The following FBXO45 variants were observed in gnomAD, a reference collection of about 807,000 sequenced individuals.
FBXO45 encodes F-box/SPRY domain-containing protein 1.
A neutral mutation model predicts 25.5 loss-of-function variants in FBXO45; 3 were observed. The observed-to-expected ratio is 0.12, with a 90% CI of 0.05 to 0.30. The LOEUF is 0.30. Ranked by LOEUF, FBXO45 falls within the 10% of genes least tolerant of loss-of-function variation. The pLI is 1.00. For synonymous variants in FBXO45, 155 were observed against 149.8 expected (o/e 1.03, Z -0.25); for missense variants, 219 against 365.0 (o/e 0.60, Z 3.26).
intron 1 of FBXO45, among the ~76,000 whole-genome samples, chr3:196,573,815 A>G (rs567020714): frequency 1.3e-5 from 2 of 152,276 alleles, no homozygotes; most frequent in East Asian, 1.9e-4. Context: ...AGAATTCTCT[A>G]AAGTTCAGAC....
At chr3:196,572,931 T>C (rs2108726189) in intron 1 of FBXO45, among the ~76,000 whole-genome samples, 1 of 151,468 alleles carries the variant, frequency 6.6e-6, no homozygotes, top group African/African-American at 2.4e-5. Flanking sequence ...TGATCTAGAT[T>C]TTTTTTTTGA....
chr3:196,573,194 T>G (rs1046680467), intron 1 of FBXO45, among the ~76,000 whole-genome samples: 11 of 152,150 alleles, frequency 7.2e-5, no homozygotes, highest in Admixed American at 5.2e-4. Context: ...AGAGCAGCAT[T>G]TACAGTATTT....
chr3:196,586,829 C>T lies in FBXO45; in HGVS notation c.*2511C>T. On this transcript the variant is annotated 3_prime_UTR_variant, in exon 3 of 3. Transcript: ENST00000311630. ...TAAGGATTTTTAAAAACTTTCTGGTCATTTCAATATGCTGCCAAGGTTGAG... is the reference window on the plus strand; with the variant it reads ...TAAGGATTTTTAAAAACTTTCTGGTTATTTCAATATGCTGCCAAGGTTGAG... 6.6e-6 allele frequency: 1 copy of T among 152,026 alleles called. No individual in the cohort carries two copies. The highest frequency in any genetic ancestry group is 1.9e-4 in the East Asian group (1 of 5,192). 9.4% of individuals were successfully genotyped at this position (152,026 alleles called of 1,614,324 possible).
Position 196,586,653 on chromosome 3 carries a change from C to G in FBXO45, c.*2335C>G, listed in dbSNP as rs1435722808. The G allele has an allele frequency of 6.6e-6, 1 of 152,100 alleles. No homozygotes were observed. The highest frequency in any genetic ancestry group is 1.9e-4 in the East Asian group (1 of 5,206). 9.4% of individuals were successfully genotyped at this position (152,100 alleles called of 1,614,324 possible). A position where few individuals can be genotyped will look rare whatever the true frequency, so the allele number is the denominator to read the frequency against. ...AGAGCATTTCGGTAGAAGACAGTTG[C>G]GCCTGAAGATTGAGTGTAAATCATT... On this transcript the variant is annotated 3_prime_UTR_variant, in exon 3 of 3. Transcript: ENST00000311630.
intron 1 of FBXO45, among the ~76,000 whole-genome samples, chr3:196,573,133 C>T (rs942996699): frequency 1.3e-5 from 2 of 151,922 alleles, no homozygotes; most frequent in African/African-American, 4.8e-5. Context: ...ATTATGTTGC[C>T]CAGGCTGGTG....
chr3:196,583,868 C>A (rs1305302156), intron 2 of FBXO45, among the ~76,000 whole-genome samples: 2 of 152,158 alleles, frequency 1.3e-5, no homozygotes, highest in Non-Finnish European at 2.9e-5. Flanking sequence ...GTTGCCCAGG[C>A]TGGTCTTGAA....
intron 1 of FBXO45, among the ~76,000 whole-genome samples, chr3:196,572,223 T>C (rs569939691): frequency 7.7e-4 from 117 of 152,390 alleles, no homozygotes; most frequent in African/African-American, 2.8e-3. Context: ...CCAGGCACTA[T>C]GCTCATTTGC....
At position 196,577,809 on chromosome 3, in the gene FBXO45, G is replaced by C; in HGVS notation, c.675G>C (p.Gln225His). The change falls in exon 2 of 3, where the codon CAG becomes CAC. Residue 225 changes from glutamine (Q) to histidine (H), a missense_variant and splice_region_variant. Gln to His is a conservative substitution (Grantham distance 24). Coordinates refer to ENST00000311630, the MANE Select transcript of FBXO45 (RefSeq NM_001105573.2). ...AGTGCAACAACGCACCAAAATATCA[G>C]GTGAGAAACTGGGGTTTTTCTCAAG... ...FPQCNNAPKY[Q>H]IGERIRVILD... The C allele has an allele frequency of 6.4e-7, 1 of 1,557,538 alleles. No homozygotes were observed. Among genetic ancestry groups the C allele is most frequent in the Non-Finnish European group, 8.8e-7 (1 of 1,139,744 alleles).
chr3:196,576,897 A>G (rs1735922738), intron 1 of FBXO45, among the ~76,000 whole-genome samples: 1 of 152,234 alleles, frequency 6.6e-6, no homozygotes, highest in South Asian at 2.1e-4. Flanking sequence ...TTTATGTAAA[A>G]TATAATTCTT....
At chr3:196,574,633 A>G (rs559885202) in intron 1 of FBXO45, among the ~76,000 whole-genome samples, 8 of 152,102 alleles carry the variant, frequency 5.3e-5, no homozygotes, top group South Asian at 4.2e-4. Flanking sequence ...GGTGTGATCA[A>G]TTTAGATTAG....
chr3:196,570,826 C>T (rs1045505009), intron 1 of FBXO45, among the ~76,000 whole-genome samples: 1 of 151,760 alleles, frequency 6.6e-6, no homozygotes, highest in South Asian at 2.1e-4. Context: ...ATTCTCCTGC[C>T]TCAGCCTCCT....
chr3:196,582,922 G>T (rs1736038342), intron 2 of FBXO45, among the ~76,000 whole-genome samples: 1 of 152,124 alleles, frequency 6.6e-6, no homozygotes, highest in Non-Finnish European at 1.5e-5. Context: ...CCATTTGTAA[G>T]TATACAATTC....
chr3:196,588,414 G>A lies in FBXO45; in HGVS notation c.*4096G>A, dbSNP rs943254815. On this transcript the variant is annotated 3_prime_UTR_variant, in exon 3 of 3. Coordinates refer to ENST00000311630, the MANE Select transcript of FBXO45 (RefSeq NM_001105573.2). This position sits in a 1 kb window ranked among gnomAD's most constrained non-coding sequence, Gnocchi z 4.2. The stretch of plus-strand genomic sequence containing the variant: ...TTGAAAAGATTACTTTCCAGAAATT[G>A]AGACCACCACAGTTCCACAATTGGG... The A allele has an allele frequency of 3.3e-5, 5 of 152,070 alleles. No individual in the cohort carries two copies. Among genetic ancestry groups the A allele is most frequent in the Non-Finnish European group, 7.3e-5 (5 of 68,028 alleles). The allele number at this position is 152,070 out of a possible 1,614,324, so 9.4% of individuals were successfully genotyped here.
In FBXO45 at chr3:196,584,036, A is replaced by G; in HGVS notation, c.676-97A>G. 2 of 1,144,770 alleles carry G rather than the reference A, an allele frequency of 1.7e-6. No individual in the cohort carries two copies. Among genetic ancestry groups the G allele is most frequent in the East Asian group, 2.4e-5 (1 of 41,216 alleles). 70.9% of individuals were successfully genotyped at this position (1,144,770 alleles called of 1,614,324 possible). A position where few individuals can be genotyped will look rare whatever the true frequency, so the allele number is the denominator to read the frequency against. On this transcript the variant is annotated intron_variant, in intron 2 of 2. Transcript: ENST00000311630. This position sits in a 1 kb window ranked among gnomAD's most constrained non-coding sequence, Gnocchi z 4.3. ...GATTTTTCTAGATAGCTTTCAGGAT[A>G]ATATTCTTAATATTTTCAACTTCTT... is the stretch of plus-strand genomic sequence containing the variant.
chr3:196,568,859 C>A lies in FBXO45; in HGVS notation c.-126C>A. On this transcript the variant is annotated 5_prime_UTR_variant, in exon 1 of 3. Coordinates refer to ENST00000311630, the MANE Select transcript of FBXO45 (RefSeq NM_001105573.2). The stretch of plus-strand genomic sequence containing the variant: ...GCAGGGGCGGGAGTGGTGGAGGCGC[C>A]GGCGGTTGGCACTGACAGGGGCGGT... 1.4e-6 allele frequency: 1 copy of A among 693,260 alleles called. No individual in the cohort carries two copies. Among genetic ancestry groups the A allele is most frequent in the Non-Finnish European group, 1.8e-6 (1 of 562,676 alleles). The allele number at this position is 693,260 out of a possible 1,614,324, so 42.9% of individuals were successfully genotyped here. A position where few individuals can be genotyped will look rare whatever the true frequency, so the allele number is the denominator to read the frequency against.
Position 196,569,088 on chromosome 3 carries a change from C to G in FBXO45, c.104C>G (p.Ala35Gly). ...GGCTCGGGCTCTGGGGCCGCGGGGG[C>G]CGGGGGCCGGCTGCCCAGCCGGGTG... is the stretch of plus-strand genomic sequence containing the variant. The part of the protein sequence containing the change: ...GAGSGSGAAG[A>G]GGRLPSRVLE... Residue 35 changes from alanine (A) to glycine (G), a missense_variant, in exon 1 of 3, where the codon GCC becomes GGC. Coordinates refer to ENST00000311630, the MANE Select transcript of FBXO45 (RefSeq NM_001105573.2). The surrounding 1 kb of genome is among the most constrained non-coding windows in gnomAD (Gnocchi z 4.1). 1 of 1,462,342 alleles carries G rather than the reference C, an allele frequency of 6.8e-7. No homozygotes were observed. Among genetic ancestry groups the G allele is most frequent in the South Asian group, 1.3e-5 (1 of 75,578 alleles). The allele number at this position is 1,462,342 out of a possible 1,614,324, so 90.6% of individuals were successfully genotyped here.
Position 196,577,485 on chromosome 3 carries a change from T to A in FBXO45, c.351T>A (p.Asn117Lys). The A allele has an allele frequency of 6.2e-7, 1 of 1,611,040 alleles. No individual in the cohort carries two copies. Among genetic ancestry groups the A allele is most frequent in the African/African-American group, 1.3e-5 (1 of 75,046 alleles). The change falls in exon 2 of 3, where the codon AAT becomes AAA. Residue 117 changes from asparagine (N) to lysine (K), a missense_variant. Physicochemically the swap from Asn to Lys is moderately conservative, Grantham distance 94 (BLOSUM62 0). Transcript: ENST00000311630. ...CTTTTCAACATGCCTTCAGCACTAA[T>A]GACTGCTCCAGGAATGTCTACATTA... ...IRAFQHAFSTNDCSRNVYIKK... is the reference protein window; with the variant it reads ...IRAFQHAFSTKDCSRNVYIKK...
In FBXO45 at chr3:196,569,275, G is replaced by A; in HGVS notation, c.291G>A (p.Leu97=). Residue 97 remains leucine, a synonymous_variant, in exon 1 of 3, where the codon CTG becomes CTA. Coordinates refer to ENST00000311630, the MANE Select transcript of FBXO45 (RefSeq NM_001105573.2). The surrounding 1 kb of genome is among the most constrained non-coding windows in gnomAD (Gnocchi z 4.1). ...AAGAGGCTCTGCGCACGGACATCCT[G>A]TGCAACCTGCCCAGCTACAAGGCCA... ...LAEEALRTDI[L]CNLPSYKAKI... The A allele has an allele frequency of 6.3e-7, 1 of 1,576,808 alleles. No homozygotes were observed. The highest frequency in any genetic ancestry group is 8.6e-7 in the Non-Finnish European group (1 of 1,160,390).
chr3:196,581,223 C>CTTTTT (rs33962634), intron 2 of FBXO45, among the ~76,000 whole-genome samples: 1,016 of 63,694 alleles, frequency 0.016, 223 homozygotes, highest in East Asian at 0.05. Context: ...TTTCTTTTTC[C>CTTTTT]TTTTTTTTTT....
Sources: gnomAD v4.1 joint callset for allele counts (sites outside exome capture counted in the v4.1 genomes callset) on GRCh38, gnomAD v4.1.1 for gene constraint, Gnocchi (gnomAD v3.1) non-coding constraint, MANE v1.5 for transcripts, NCBI Gene and HGNC (gene_info 2026-07-23, HGNC 2026-07-21) for gene names.